The following DIP2B variants were observed in gnomAD, a reference collection of about 807,000 sequenced individuals.
The protein encoded by DIP2B is disco-interacting protein 2 homolog B.
A neutral mutation model predicts 198.0 loss-of-function variants in DIP2B; 76 were observed. The ratio of observed to expected loss-of-function variants is 0.38; its 90% CI spans 0.32 to 0.46. The LOEUF is 0.46. Among genes scored for constraint, DIP2B ranks in the 20% least tolerant of loss-of-function variants. DIP2B has a pLI of 0.99. For missense variants in DIP2B, 1,559 were observed against 1,978.4 expected (o/e 0.79, Z 4.02); for synonymous variants, 701 against 739.1 (o/e 0.95, Z 0.84).
intron 1 of DIP2B, among the ~76,000 whole-genome samples, chr12:50,510,298 A>C (rs1958002860): frequency 6.6e-6 from 1 of 152,250 alleles, no homozygotes; most frequent in East Asian, 1.9e-4. Flanking sequence ...TGAAAAGAGT[A>C]GCTTTTATGG....
chr12:50,550,209 A>C (rs1263068179), intron 1 of DIP2B, among the ~76,000 whole-genome samples: 1 of 152,284 alleles, frequency 6.6e-6, no homozygotes, highest in Non-Finnish European at 1.5e-5. Flanking sequence ...TAAAATTTCC[A>C]TGTGATTTCT....
intron 19 of DIP2B, among the ~76,000 whole-genome samples, chr12:50,702,330 A>G (rs1182862869): frequency 6.6e-6 from 1 of 151,596 alleles, no homozygotes; most frequent in Admixed American, 6.6e-5. Context: ...TGGGCGACAG[A>G]GCGAGACTCT....
chr12:50,628,491 C>A (rs897811714), intron 2 of DIP2B, among the ~76,000 whole-genome samples: 3 of 152,166 alleles, frequency 2.0e-5, no homozygotes, highest in African/African-American at 7.2e-5. Flanking sequence ...GTAATAAAGA[C>A]CTCTCCTGCT....
intron 1 of DIP2B, among the ~76,000 whole-genome samples, chr12:50,548,093 T>C (rs1328019783): frequency 6.6e-6 from 1 of 152,074 alleles, no homozygotes; most frequent in Non-Finnish European, 1.5e-5. Flanking sequence ...ATAAATAAAA[T>C]GTGTATATAT....
At chr12:50,631,233 A>AT (rs71753895) in intron 2 of DIP2B, among the ~76,000 whole-genome samples, 42,135 of 144,538 alleles carry the variant, frequency 0.29, 6,113 homozygotes, top group East Asian at 0.4. Flanking sequence ...GGTTCAAGCG[A>AT]TTTTTTTTTT....
chr12:50,629,894 T>G (rs1245382201), intron 2 of DIP2B, among the ~76,000 whole-genome samples: 2 of 152,012 alleles, frequency 1.3e-5, no homozygotes, highest in Admixed American at 6.6e-5. Context: ...CTTCTTTTGT[T>G]ACCAACCCCT....
At chr12:50,655,870 G>A (rs2251603) in intron 3 of DIP2B, among the ~76,000 whole-genome samples, 41,227 of 152,078 alleles carry the variant, frequency 0.27, 6,357 homozygotes, top group Non-Finnish European at 0.35. Flanking sequence ...CTACTCACAC[G>A]AGTTTGAGGT....
intron 37 of DIP2B, among the ~76,000 whole-genome samples, chr12:50,742,310 T>C (rs1037722892): frequency 8.4e-5 from 12 of 143,196 alleles, no homozygotes; most frequent in African/African-American, 2.9e-4. Context: ...GGTGGGAGGA[T>C]CACTTGAGCC....
At chr12:50,689,785 A>G (rs1364461249) in intron 12 of DIP2B, among the ~76,000 whole-genome samples, 2 of 152,202 alleles carry the variant, frequency 1.3e-5, no homozygotes, top group Admixed American at 1.3e-4. Flanking sequence ...AATAAAGTGA[A>G]AAGAGATAAG....
chr12:50,592,752 G>A (rs998731639), intron 1 of DIP2B, among the ~76,000 whole-genome samples: 2 of 152,150 alleles, frequency 1.3e-5, no homozygotes, highest in African/African-American at 4.8e-5. Context: ...CTGGGATTAA[G>A]CTGTGAGCCA....
In DIP2B at chr12:50,688,607, A is replaced by C. The variant is rs552266446; in HGVS notation, c.1551+1925A>C. ...GTTGAGGCAACAGTGAGCTGTGTTC[A>C]TGCCACTGCACCCTATCCTGGATGA... On this transcript the variant is annotated intron_variant, in intron 12 of 37. Coordinates refer to ENST00000301180, the MANE Select transcript of DIP2B (RefSeq NM_173602.3). 2.6e-5 allele frequency among the ~76,000 whole-genome samples: 4 copies of C among 152,298 alleles called. No homozygotes were observed. The South Asian group carries it at 8.3e-4, about 32-fold the overall frequency.
chr12:50,537,114 A>ACTTT (rs1958276164), intron 1 of DIP2B, among the ~76,000 whole-genome samples: 1 of 32,236 alleles, frequency 3.1e-5, no homozygotes, highest in African/African-American at 1.6e-4. Flanking sequence ...TTATTCTCTA[A>ACTTT]TTTTTTTTTT....
chr12:50,529,692 A>G (rs551682177), intron 1 of DIP2B, among the ~76,000 whole-genome samples: 37 of 152,110 alleles, frequency 2.4e-4, no homozygotes, highest in African/African-American at 8.7e-4. Context: ...AGGGGTACTC[A>G]GAGCTACAAT....
At chr12:50,635,962 AT>A (rs1448872923) in intron 2 of DIP2B, among the ~76,000 whole-genome samples, 6 of 152,248 alleles carry the variant, frequency 3.9e-5, no homozygotes, top group Admixed American at 3.9e-4. Flanking sequence ...AATGCTTGCA[AT>A]ATGAAAGACC....
chr12:50,516,213 A>ATCTCTCTCTCTCTCTCTCTC, intron 1 of DIP2B, among the ~76,000 whole-genome samples: 1 of 128,626 alleles, frequency 7.8e-6, no homozygotes, highest in African/African-American at 3.0e-5. Flanking sequence ...TAGAGGCACC[A>ATCTCTCTCTCTCTCTCTCTC]TCTCTCTCTC....
intron 1 of DIP2B, among the ~76,000 whole-genome samples, chr12:50,585,633 GAGA>G (rs1253336301): frequency 1.3e-5 from 2 of 152,192 alleles, no homozygotes; most frequent in African/African-American, 4.8e-5. Context: ...AGAACTGGCT[GAGA>G]AGTAGACAGG....
At position 50,746,261 on chromosome 12, in the gene DIP2B, CAA is replaced by C. The variant is rs35171020; in HGVS notation, c.*1425_*1426del. 1.3e-5 allele frequency: 2 copies of C among 152,084 alleles called. No individual in the cohort carries two copies. The highest frequency in any genetic ancestry group is 4.8e-5 in the African/African-American group (2 of 41,404). 9.4% of individuals were successfully genotyped at this position (152,084 alleles called of 1,614,324 possible). A position where few individuals can be genotyped will look rare whatever the true frequency, so the allele number is the denominator to read the frequency against. On this transcript the variant is annotated 3_prime_UTR_variant, in exon 38 of 38. Transcript: ENST00000301180. ...ATATTTTTAAAAATGAAAAAGTACT[CAA>C]AAGTGAGAAGAGTTAACTTGTCAAA...
At chr12:50,512,981 T>G (rs1326844928) in intron 1 of DIP2B, among the ~76,000 whole-genome samples, 2 of 152,172 alleles carry the variant, frequency 1.3e-5, no homozygotes, top group African/African-American at 4.8e-5. Flanking sequence ...CACTCCAGCC[T>G]GGGCGACAGA....
intron 3 of DIP2B, among the ~76,000 whole-genome samples, chr12:50,643,405 CTGTGTGTGTGTGTGTG>C (rs57483938): frequency 0.01 from 1,324 of 131,186 alleles, 15 homozygotes; most frequent in African/African-American, 0.034. Context: ...GGGAGTTTTT[CTGTGTGTGTGTGTGTG>C]TGTGTGTGTG....
Sources: gnomAD v4.1 joint callset for allele counts (sites outside exome capture counted in the v4.1 genomes callset) on GRCh38, gnomAD v4.1.1 for gene constraint, MANE v1.5 for transcripts, NCBI Gene and HGNC (gene_info 2026-07-23, HGNC 2026-07-21) for gene names.